CUX1: variants seen among roughly 807,000 people sequenced by gnomAD.
CUX1 encodes the protein protein CASP.
CUX1 carries 31 observed loss-of-function variants against 158.8 expected under a neutral mutation model. The ratio of observed to expected loss-of-function variants is 0.20; its 90% CI spans 0.15 to 0.26. The LOEUF is 0.26. CUX1 is among the 10% of genes least tolerant of loss of function. The pLI, the probability that CUX1 is intolerant of heterozygous loss-of-function variation, is 1.00. For synonymous variants in CUX1, 879 were observed against 862.1 expected (o/e 1.02, Z -0.34); for missense variants, 1,589 against 2,014.6 (o/e 0.79, Z 4.04).
chr7:101,900,768 C>T (rs1199625267), intron 1 of CUX1, among the ~76,000 whole-genome samples: 1 of 152,104 alleles, frequency 6.6e-6, no homozygotes, highest in African/African-American at 2.4e-5. Flanking sequence ...AAAAAAAAAG[C>T]CAAACCTGAC....
chr7:102,148,774 T>C (rs1287896544), intron 8 of CUX1, among the ~76,000 whole-genome samples: 3 of 150,734 alleles, frequency 2.0e-5, no homozygotes, highest in African/African-American at 7.3e-5. Flanking sequence ...ATTTGTGAGA[T>C]TTAGGTGCAC....
At chr7:102,179,326 G>A (rs539062162) in intron 11 of CUX1, among the ~76,000 whole-genome samples, 1 of 152,352 alleles carries the variant, frequency 6.6e-6, no homozygotes, top group South Asian at 2.1e-4. Context: ...GAGATTACAG[G>A]TCTGAGCCTC....
At chr7:101,852,703 T>TTTCA (rs1443491367) in intron 1 of CUX1, among the ~76,000 whole-genome samples, 1 of 146,482 alleles carries the variant, frequency 6.8e-6, no homozygotes, top group Non-Finnish European at 1.5e-5. Context: ...TGAGATGAGG[T>TTTCA]TTCACTCTTG....
intron 20 of CUX1, among the ~76,000 whole-genome samples, chr7:102,210,159 C>T (rs146916347): frequency 2.0e-5 from 3 of 152,218 alleles, no homozygotes; most frequent in Non-Finnish European, 2.9e-5. Context: ...TGCAGTGGCG[C>T]GATCTCGACT....
intron 1 of CUX1, among the ~76,000 whole-genome samples, chr7:101,845,244 C>T (rs1243278212): frequency 6.6e-6 from 1 of 151,866 alleles, no homozygotes; most frequent in Non-Finnish European, 1.5e-5. Context: ...CCTCAGCCTT[C>T]CATAATGCTG....
chr7:102,196,519 C>A (rs1794811129), intron 14 of CUX1, 115 bp from the exon 15 acceptor site: 1 of 1,004,290 alleles, frequency 1.0e-6, no homozygotes, highest in South Asian at 2.2e-5. Flanking sequence ...GTAAAAAAAA[C>A]CTGCACTTTT....
intron 1 of CUX1, among the ~76,000 whole-genome samples, chr7:101,902,026 G>A (rs1802203339): frequency 2.0e-5 from 3 of 152,216 alleles, no homozygotes; most frequent in Admixed American, 2.0e-4. Context: ...CCTTTTGGCA[G>A]TGGCAGGACT....
chr7:101,870,722 G>A (rs1178066276), intron 1 of CUX1, among the ~76,000 whole-genome samples: 1 of 152,214 alleles, frequency 6.6e-6, no homozygotes, highest in Non-Finnish European at 1.5e-5. Flanking sequence ...ACAACCTTAA[G>A]TGGTAGAGCT....
intron 1 of CUX1, among the ~76,000 whole-genome samples, chr7:101,882,502 AC>A (rs1389058086): frequency 6.6e-6 from 1 of 152,164 alleles, no homozygotes; most frequent in Non-Finnish European, 1.5e-5. Flanking sequence ...AGAAAAAAAG[AC>A]CACTCTAAAG....
chr7:102,172,353 G>T (rs1383883920), intron 10 of CUX1, among the ~76,000 whole-genome samples: 1 of 150,890 alleles, frequency 6.6e-6, no homozygotes, highest in Non-Finnish European at 1.5e-5. Flanking sequence ...AAGTGCTGGG[G>T]TTACAGGCAT....
Position 102,195,567 on chromosome 7 carries a change from A to G in CUX1, c.1186A>G (p.Asn396Asp). Residue 396 changes from asparagine (N) to aspartate (D), a missense_variant, in exon 14 of 24, where the codon AAC (asparagine) becomes GAC (aspartate). Asn to Asp is a conservative substitution (Grantham distance 23, BLOSUM62 1). Coordinates refer to ENST00000292535, the MANE Select transcript of CUX1 (RefSeq NM_181552.4). ...GAAGAACCGCTCGCTGCAGTCCGAG[A>G]ACGCCGCGCTGCGCATCTCCAACAG... is the stretch of plus-strand genomic sequence containing the variant. ...LEKNRSLQSE[N>D]AALRISNSDL... 1 of 1,612,758 alleles carries G rather than the reference A, an allele frequency of 6.2e-7. No individual in the cohort carries two copies. Among genetic ancestry groups the G allele is most frequent in the Non-Finnish European group, 8.5e-7 (1 of 1,179,798 alleles).
intron 2 of CUX1, among the ~76,000 whole-genome samples, chr7:101,927,836 G>C (rs1438145061): frequency 6.6e-6 from 1 of 152,208 alleles, no homozygotes; most frequent in Non-Finnish European, 1.5e-5. Context: ...TCTGTTCCTT[G>C]TCACTGGAAG....
chr7:102,169,698 C>G (rs945533882), intron 9 of CUX1, among the ~76,000 whole-genome samples: 7 of 152,202 alleles, frequency 4.6e-5, no homozygotes, highest in African/African-American at 1.2e-4. Context: ...CTGGGGTGAC[C>G]TGTCCTCGTC....
rs1554540568 is a variant in CUX1, at chr7:102,252,624, AGT to A, written c.*3583_*3584del. On this transcript the variant is annotated 3_prime_UTR_variant, in exon 24 of 24. Transcript: ENST00000292535. Reference sequence around the variant, plus strand: ...GTTTGCATTTAGCCTCTTGACCCGGAGTTCCGGCCCAAGCTCCCTTGTGATAG... The same window carrying A: ...GTTTGCATTTAGCCTCTTGACCCGGATCCGGCCCAAGCTCCCTTGTGATAG... The A allele has an allele frequency of 1.0e-6, 1 of 985,272 alleles. No individual in the cohort carries two copies. Among genetic ancestry groups the A allele is most frequent in the Admixed American group, 6.2e-5 (1 of 16,250 alleles). 61.0% of individuals were successfully genotyped at this position (985,272 alleles called of 1,614,324 possible). A position where few individuals can be genotyped will look rare whatever the true frequency, so the allele number is the denominator to read the frequency against.
intron 4 of CUX1, among the ~76,000 whole-genome samples, chr7:102,092,786 G>T (rs1056249306): frequency 2.6e-5 from 4 of 151,692 alleles, no homozygotes; most frequent in African/African-American, 7.3e-5. Flanking sequence ...GGTCGTGTGC[G>T]CCTGCAATCT....
At chr7:101,886,040 C>G (rs1433114854) in intron 1 of CUX1, among the ~76,000 whole-genome samples, 1 of 152,160 alleles carries the variant, frequency 6.6e-6, no homozygotes, top group Non-Finnish European at 1.5e-5. Context: ...CCCCATGCCT[C>G]TGTGGGGGAC....
chr7:101,851,227 T>C (rs1446562141), intron 1 of CUX1, among the ~76,000 whole-genome samples: 1 of 152,238 alleles, frequency 6.6e-6, no homozygotes, highest in Non-Finnish European at 1.5e-5. Flanking sequence ...TTAGTATTCT[T>C]TGTACACTAC....
chr7:102,147,576 T>C (rs964616228), intron 8 of CUX1, among the ~76,000 whole-genome samples: 5 of 152,236 alleles, frequency 3.3e-5, no homozygotes, highest in Non-Finnish European at 7.3e-5. Context: ...TCTTGTAGGC[T>C]CTTTCCTTAA....
chr7:101,918,274 G>T (rs1804476927), intron 2 of CUX1, among the ~76,000 whole-genome samples: 1 of 152,212 alleles, frequency 6.6e-6, no homozygotes, highest in Admixed American at 6.5e-5. Context: ...CCTCCATCGT[G>T]CCTTGTGTCG....
Sources: gnomAD v4.1 joint callset for allele counts (sites outside exome capture counted in the v4.1 genomes callset) on GRCh38, gnomAD v4.1.1 for gene constraint, MANE v1.5 for transcripts, NCBI Gene and HGNC (gene_info 2026-07-23, HGNC 2026-07-21) for gene names.